The following PRKCE variants were observed in gnomAD, a reference collection of about 807,000 sequenced individuals.
The protein encoded by PRKCE is protein kinase C epsilon type.
Under a neutral mutation model 85.4 loss-of-function variants are expected in PRKCE, and 16 were observed. That is an observed-to-expected ratio of 0.19 (90% CI 0.13 to 0.28). The LOEUF (loss-of-function observed/expected upper bound fraction) is 0.28. Among genes scored for constraint, PRKCE ranks in the 10% least tolerant of loss-of-function variants. The probability of loss-of-function intolerance (pLI) is 1.00; values close to 1 mark genes in which losing one functional copy is unlikely to be tolerated. For synonymous variants in PRKCE, 388 were observed against 371.5 expected (o/e 1.04, Z -0.51); for missense variants, 573 against 975.2 (o/e 0.59, Z 5.49).
chr2:45,961,665 G>GC (rs1378826999), intron 2 of PRKCE, among the ~76,000 whole-genome samples: 1 of 151,904 alleles, frequency 6.6e-6, no homozygotes, highest in Non-Finnish European at 1.5e-5. Context: ...GCCTGCCTTG[G>GC]CCAGGGCAGT....
At chr2:46,150,703 T>TC (rs1297798343) in intron 12 of PRKCE, among the ~76,000 whole-genome samples, 1 of 152,166 alleles carries the variant, frequency 6.6e-6, no homozygotes, top group Non-Finnish European at 1.5e-5. Context: ...TGCATCGTGC[T>TC]CCCCTGACCC....
chr2:45,899,941 G>T (rs1696452215), intron 2 of PRKCE, among the ~76,000 whole-genome samples: 1 of 152,116 alleles, frequency 6.6e-6, no homozygotes, highest in South Asian at 2.1e-4. Context: ...TCTTCTACTA[G>T]CCCGGGCTCA....
intron 1 of PRKCE, among the ~76,000 whole-genome samples, chr2:45,813,936 C>T (rs997986407): frequency 1.3e-5 from 2 of 152,158 alleles, no homozygotes; most frequent in South Asian, 2.1e-4. Flanking sequence ...CTCCAAGACA[C>T]GTGCAGTAAA....
intron 11 of PRKCE, among the ~76,000 whole-genome samples, chr2:46,100,332 C>G (rs1185499125): frequency 1.3e-5 from 2 of 152,138 alleles, no homozygotes; most frequent in East Asian, 3.9e-4. Flanking sequence ...TGTGGGTTTT[C>G]CTCCCTCTCT....
intron 1 of PRKCE, among the ~76,000 whole-genome samples, chr2:45,759,884 T>C (rs1217581317): frequency 6.6e-6 from 1 of 152,208 alleles, no homozygotes; most frequent in Non-Finnish European, 1.5e-5. Flanking sequence ...TTGCAGGTGA[T>C]GGATCATGCC....
intron 2 of PRKCE, among the ~76,000 whole-genome samples, chr2:45,945,973 T>A (rs559707244): frequency 1.3e-5 from 2 of 152,310 alleles, no homozygotes; most frequent in East Asian, 3.9e-4. Context: ...AACCAAAAAA[T>A]GGGGTGGATT....
intron 1 of PRKCE, among the ~76,000 whole-genome samples, chr2:45,731,361 G>A (rs1681559442): frequency 6.6e-6 from 1 of 152,160 alleles, no homozygotes; most frequent in Non-Finnish European, 1.5e-5. Flanking sequence ...GCTCATGCAG[G>A]TGTGATGTAT....
intron 1 of PRKCE, among the ~76,000 whole-genome samples, chr2:45,724,958 G>A (rs1205059598): frequency 2.0e-5 from 3 of 152,244 alleles, no homozygotes; most frequent in African/African-American, 7.2e-5. Flanking sequence ...AGCTAAGACC[G>A]CTGATGAAGG....
At chr2:45,763,017 T>C (rs1203804901) in intron 1 of PRKCE, among the ~76,000 whole-genome samples, 1 of 151,794 alleles carries the variant, frequency 6.6e-6, no homozygotes, top group Non-Finnish European at 1.5e-5. Context: ...AGTGGCGCGA[T>C]CTCGGCTCAC....
At chr2:46,002,834 G>C (rs755736306) in intron 7 of PRKCE, among the ~76,000 whole-genome samples, 6 of 152,228 alleles carry the variant, frequency 3.9e-5, no homozygotes, top group Non-Finnish European at 8.8e-5. Flanking sequence ...ACATTTAAAA[G>C]CTCTAGAGAG....
intron 2 of PRKCE, among the ~76,000 whole-genome samples, chr2:45,854,270 G>A (rs1692503365): frequency 6.6e-6 from 1 of 152,152 alleles, no homozygotes; most frequent in African/African-American, 2.4e-5. Context: ...ACAAGTATGG[G>A]GACAAGGACT....
chr2:45,756,614 A>G (rs540185189), intron 1 of PRKCE, among the ~76,000 whole-genome samples: 1 of 152,242 alleles, frequency 6.6e-6, no homozygotes, highest in African/African-American at 2.4e-5. Flanking sequence ...AGAATGGATA[A>G]ACAAATTGTG....
chr2:45,900,605 G>A (rs1290353701), intron 2 of PRKCE, among the ~76,000 whole-genome samples: 1 of 152,210 alleles, frequency 6.6e-6, no homozygotes, highest in African/African-American at 2.4e-5. Context: ...GTTGCCATGG[G>A]CTAGAGGGAG....
intron 1 of PRKCE, among the ~76,000 whole-genome samples, chr2:45,702,644 C>T (rs1174546140): frequency 6.6e-6 from 1 of 152,144 alleles, no homozygotes; most frequent in African/African-American, 2.4e-5. Context: ...CACTGTTTTA[C>T]CATAGTGATA....
intron 1 of PRKCE, among the ~76,000 whole-genome samples, chr2:45,681,455 A>G (rs897097423): frequency 6.6e-6 from 1 of 152,104 alleles, no homozygotes; most frequent in African/African-American, 2.4e-5. Flanking sequence ...CATTATATCT[A>G]TTTGTAAACT....
intron 1 of PRKCE, among the ~76,000 whole-genome samples, chr2:45,688,080 A>G (rs1216172102): frequency 6.6e-6 from 1 of 152,240 alleles, no homozygotes; most frequent in Non-Finnish European, 1.5e-5. Context: ...CACCCAGCAA[A>G]TAAGAATCCC....
intron 1 of PRKCE, chr2:45,840,621 C>T (rs1376034972): frequency 2.0e-5 from 3 of 152,184 alleles, no homozygotes; most frequent in African/African-American, 4.8e-5. Context: ...ACTCCTGTGC[C>T]GACGGAGCAC....
At chr2:45,919,611 C>T (rs753521342) in intron 2 of PRKCE, among the ~76,000 whole-genome samples, 6 of 152,182 alleles carry the variant, frequency 3.9e-5, no homozygotes, top group Admixed American at 6.5e-5. Flanking sequence ...GGATCAGGGG[C>T]GGGGAAGGCC....
chr2:45,997,925 C>T (rs1252858666), intron 6 of PRKCE, among the ~76,000 whole-genome samples: 1 of 152,176 alleles, frequency 6.6e-6, no homozygotes, highest in East Asian at 1.9e-4. Context: ...TGCTATTTAG[C>T]AATGTGTTTA....
Sources: gnomAD v4.1 joint callset for allele counts (sites outside exome capture counted in the v4.1 genomes callset) on GRCh38, gnomAD v4.1.1 for gene constraint, MANE v1.5 for transcripts, NCBI Gene and HGNC (gene_info 2026-07-23, HGNC 2026-07-21) for gene names.